PDGFC: variants seen among roughly 807,000 people sequenced by gnomAD.
PDGFC encodes platelet-derived growth factor C.
Under a neutral mutation model 35.5 loss-of-function variants are expected in PDGFC, and 12 were observed. The observed-to-expected ratio is 0.34, with a 90% CI of 0.22 to 0.55. The LOEUF is 0.55. PDGFC is among the 20% of genes least tolerant of loss of function. The probability of loss-of-function intolerance (pLI) is 0.91; values close to 1 mark genes in which losing one functional copy is unlikely to be tolerated. For synonymous variants in PDGFC, 159 were observed against 148.8 expected (o/e 1.07, Z -0.50); for missense variants, 322 against 412.4 (o/e 0.78, Z 1.90).
chr4:156,824,325 T>TATATATATATATATACACAAATACAC, intron 2 of PDGFC, among the ~76,000 whole-genome samples: 1 of 109,618 alleles, frequency 9.1e-6, no homozygotes, highest in Admixed American at 8.6e-5. Flanking sequence ...TATATATATA[T>TATATATATATATATACACAAATACAC]ATACACACAC....
intron 1 of PDGFC, among the ~76,000 whole-genome samples, chr4:156,916,029 A>C (rs1414705152): frequency 2.0e-5 from 3 of 152,148 alleles, no homozygotes; most frequent in Non-Finnish European, 1.5e-5. Context: ...CCAAACTTCT[A>C]CAATGGCCAA....
At chr4:156,832,017 C>A (rs1728947866) in intron 2 of PDGFC, among the ~76,000 whole-genome samples, 1 of 152,006 alleles carries the variant, frequency 6.6e-6, no homozygotes, top group African/African-American at 2.4e-5. Flanking sequence ...ACTGTTACTT[C>A]AAATAGTTTT....
At chr4:156,911,459 A>G (rs976724559) in intron 1 of PDGFC, among the ~76,000 whole-genome samples, 5 of 152,094 alleles carry the variant, frequency 3.3e-5, no homozygotes, top group African/African-American at 1.2e-4. Context: ...ATTTTGAGGT[A>G]TTATGATGAG....
At chr4:156,817,657 A>T (rs892209696) in intron 2 of PDGFC, among the ~76,000 whole-genome samples, 6 of 152,192 alleles carry the variant, frequency 3.9e-5, no homozygotes, top group Admixed American at 3.9e-4. Flanking sequence ...AGTAACATGG[A>T]GTTTCATAGG....
At chr4:156,820,451 A>G (rs1732219790) in intron 2 of PDGFC, among the ~76,000 whole-genome samples, 1 of 152,210 alleles carries the variant, frequency 6.6e-6, no homozygotes, top group African/African-American at 2.4e-5. Context: ...TTGAGGCAGG[A>G]TGTGAGCAAA....
chr4:156,885,417 T>C (rs1181902589), intron 1 of PDGFC, among the ~76,000 whole-genome samples: 4 of 152,224 alleles, frequency 2.6e-5, no homozygotes, highest in Non-Finnish European at 5.9e-5. Context: ...TTGTAGACTA[T>C]AATAATTCTT....
chr4:156,773,618 T>G (rs952701059), intron 3 of PDGFC: 1 of 152,136 alleles, frequency 6.6e-6, no homozygotes, highest in Admixed American at 6.5e-5. Context: ...AATAAACATA[T>G]GAAAATATGC....
intron 1 of PDGFC, among the ~76,000 whole-genome samples, chr4:156,871,581 T>G (rs2111144575): frequency 6.6e-6 from 1 of 152,278 alleles, no homozygotes; most frequent in South Asian, 2.1e-4. Flanking sequence ...CATATTTTTA[T>G]ACATAAACTA....
chr4:156,921,540 G>C (rs989665926), intron 1 of PDGFC, among the ~76,000 whole-genome samples: 2 of 152,114 alleles, frequency 1.3e-5, no homozygotes, highest in African/African-American at 4.8e-5. Flanking sequence ...AGAAAGAGAA[G>C]AGAGAGGGTT....
intron 2 of PDGFC, among the ~76,000 whole-genome samples, chr4:156,815,108 T>G (rs1477286250): frequency 6.6e-6 from 1 of 152,146 alleles, no homozygotes. Flanking sequence ...AAACATCTAA[T>G]AAGGTACTGT....
At chr4:156,884,149 C>CA (rs1730320439) in intron 1 of PDGFC, among the ~76,000 whole-genome samples, 1 of 152,212 alleles carries the variant, frequency 6.6e-6, no homozygotes, top group Admixed American at 6.5e-5. Context: ...TAGGGAAATG[C>CA]AGACACAGCA....
intron 3 of PDGFC, among the ~76,000 whole-genome samples, chr4:156,776,717 G>T (rs1730839467): frequency 6.6e-6 from 1 of 152,158 alleles, no homozygotes; most frequent in African/African-American, 2.4e-5. Flanking sequence ...AAAATTCTCT[G>T]ATGAAAGTTA....
At chr4:156,895,374 C>T (rs553702196) in intron 1 of PDGFC, among the ~76,000 whole-genome samples, 1 of 152,168 alleles carries the variant, frequency 6.6e-6, no homozygotes, top group South Asian at 2.1e-4. Flanking sequence ...GTGGCTCATA[C>T]CTGTAATCCC....
chr4:156,937,209 C>A (rs1227347929), intron 1 of PDGFC, among the ~76,000 whole-genome samples: 1 of 152,086 alleles, frequency 6.6e-6, no homozygotes, highest in Non-Finnish European at 1.5e-5. Flanking sequence ...GAGAATGGAT[C>A]AAGGATGCAA....
At chr4:156,909,670 G>T (rs1730994373) in intron 1 of PDGFC, among the ~76,000 whole-genome samples, 2 of 152,126 alleles carry the variant, frequency 1.3e-5, no homozygotes, top group Non-Finnish European at 1.5e-5. Context: ...TTAACAGTGG[G>T]TTTTCTCTGA....
chr4:156,957,827 G>A (rs1043335784), intron 1 of PDGFC, among the ~76,000 whole-genome samples: 2 of 151,828 alleles, frequency 1.3e-5, no homozygotes, highest in Non-Finnish European at 2.9e-5. Context: ...CACTGAACCT[G>A]CTTCTGAGGT....
intron 1 of PDGFC, among the ~76,000 whole-genome samples, chr4:156,907,098 T>C (rs1318950721): frequency 6.6e-6 from 1 of 152,228 alleles, no homozygotes; most frequent in Non-Finnish European, 1.5e-5. Context: ...TGGAGCCCAG[T>C]ATCTTAGATT....
chr4:156,790,361 G>A (rs1296804056), intron 3 of PDGFC, among the ~76,000 whole-genome samples: 1 of 152,114 alleles, frequency 6.6e-6, no homozygotes, highest in Non-Finnish European at 1.5e-5. Context: ...TTTAATACAG[G>A]AAAGAACTTT....
chr4:156,826,503 A>G (rs1728759882), intron 2 of PDGFC, among the ~76,000 whole-genome samples: 1 of 152,016 alleles, frequency 6.6e-6, no homozygotes, highest in Non-Finnish European at 1.5e-5. Flanking sequence ...TGCCATTGTA[A>G]TTTTTGGTGA....
Sources: allele counts gnomAD v4.1 joint callset (sites outside exome capture counted in the v4.1 genomes callset), GRCh38; gene constraint gnomAD v4.1.1; transcripts MANE v1.5; gene names NCBI Gene and HGNC (gene_info 2026-07-23, HGNC 2026-07-21).